TTLL8: variants seen among roughly 807,000 people sequenced by gnomAD.
The protein encoded by TTLL8 is protein monoglycylase TTLL8.
Under a neutral mutation model 77.8 loss-of-function variants are expected in TTLL8, and 65 were observed. That is an observed-to-expected ratio of 0.84 (90% confidence interval 0.68 to 1.03). TTLL8 has a LOEUF of 1.03. TTLL8 is among the 50% of genes least tolerant of loss of function. The pLI is 0.00. For missense variants in TTLL8, 910 were observed against 1,004.5 expected, an observed-to-expected ratio of 0.91 and a Z score of 1.27; for synonymous variants, 402 against 422.8, an observed-to-expected ratio of 0.95 and a Z score of 0.60.
intron 1 of TTLL8, chr22:50,054,547 TA>T: frequency 4.6e-6 from 1 of 217,280 alleles, no homozygotes; most frequent in Non-Finnish European, 1.1e-5. Context: ...TGAGCGTCCC[TA>T]AGGGGAGCTG....
chr22:50,058,144 T>C (rs1667900416), upstream of TTLL8, among the ~76,000 whole-genome samples: 1 of 151,254 alleles, frequency 6.6e-6, no homozygotes, highest in Non-Finnish European at 1.5e-5. This position sits in a 1 kb window ranked among gnomAD's most constrained non-coding sequence, Gnocchi z 4.2. Flanking sequence ...CGGTCGGGGG[T>C]CGTGCTCACC....
intron 12 of TTLL8, 122 bp downstream of exon 13, chr22:50,030,308 G>A (rs1960705828): frequency 9.0e-7 from 1 of 1,106,488 alleles, no homozygotes; most frequent in Middle Eastern, 4.3e-4. Context: ...GGGACACCCC[G>A]GGCCCCAGCA....
intron 12 of TTLL8, 166 bp downstream of exon 13, chr22:50,030,264 C>T (rs1485352283): frequency 1.0e-6 from 1 of 985,244 alleles, no homozygotes; most frequent in Non-Finnish European, 1.2e-6. Context: ...GTGCCCCAAC[C>T]CCGCTCCCCG....
intron 1 of TTLL8, among the ~76,000 whole-genome samples, chr22:50,054,209 G>A (rs531170463): frequency 1.3e-5 from 2 of 152,226 alleles, no homozygotes; most frequent in African/African-American, 4.8e-5. Context: ...AGTGGAAATC[G>A]ACACACCATC....
At chr22:50,030,898 C>T (rs374157673) in exon 12 of TTLL8, 8 of 1,322,924 alleles carry the variant, frequency 6.0e-6, no homozygotes, top group East Asian at 9.9e-5. Context: ...AGGTCGGACC[C>T]GCTGAATGGG....
chr22:50,031,672 C>T lies in TTLL8; in HGVS notation c.1707+14G>A, dbSNP rs750582668. 2.3e-5 allele frequency: 29 copies of T among 1,263,702 alleles called. No homozygotes were observed. In the East Asian group the frequency reaches 2.7e-4, roughly 12 times the overall value. The allele number at this position is 1,263,702 out of a possible 1,614,324, so 78.3% of individuals were successfully genotyped here. A position where few individuals can be genotyped will look rare whatever the true frequency, so the allele number is the denominator to read the frequency against. On this transcript the variant is annotated intron_variant, in intron 11 of 13. Coordinates refer to ENST00000266182, the Ensembl canonical transcript of TTLL8. ...GGGCGGCCACCAAAGTCCCCAGGGG[C>T]GGGCGTGGCTCACCTGCCTCCACAG...
At chr22:50,031,982 G>A (rs529999189) in exon 11 of TTLL8, 18 of 1,366,704 alleles carry the variant, frequency 1.3e-5, no homozygotes, top group South Asian at 5.7e-5. Context: ...ACGGCGCCAC[G>A]GCCCTGGCGC....
intron 10 of TTLL8, 38 bp downstream of exon 11, chr22:50,033,164 C>T (rs1179657400): frequency 1.5e-6 from 2 of 1,299,102 alleles, no homozygotes; most frequent in Non-Finnish European, 2.0e-6. Context: ...GCAGCCCATT[C>T]CCTGGCCCGA....
chr22:50,052,189 T>C (rs939160339), intron 1 of TTLL8, among the ~76,000 whole-genome samples: 4 of 152,142 alleles, frequency 2.6e-5, no homozygotes, highest in African/African-American at 2.4e-5. Context: ...TGCACGTGAA[T>C]GAGCCTATCA....
Position 50,050,311 on chromosome 22 carries a change from T to C in TTLL8, c.52-64A>G, listed in dbSNP as rs2061437638. On this transcript the variant is annotated intron_variant, in intron 1 of 13. Transcript: ENST00000266182. ...TTTTTGGGGAATAGGCAGATTTTGG[T>C]TGCATGGATAAGCTTGTTAGTGCTG... 2.0e-5 allele frequency: 24 copies of C among 1,222,036 alleles called. No homozygotes were observed. The South Asian group carries it at 3.1e-4, about 16-fold the overall frequency. The allele number at this position is 1,222,036 out of a possible 1,614,324, so 75.7% of individuals were successfully genotyped here.
At chr22:50,033,526 G>A (rs976947334) in intron 9 of TTLL8, 81 bp from the exon 11 acceptor site, 14 of 1,237,766 alleles carry the variant, frequency 1.1e-5, no homozygotes, top group African/African-American at 3.1e-5. Flanking sequence ...GGGCAGGGTC[G>A]CAGCTTGGCC....
chr22:50,030,293 G>T, intron 12 of TTLL8, 137 bp downstream of exon 13: 1 of 1,083,336 alleles, frequency 9.2e-7, no homozygotes, highest in Non-Finnish European at 1.1e-6. Flanking sequence ...CGGCGCCTCC[G>T]TCAGGGGACA....
chr22:50,034,184 G>T lies in TTLL8; in HGVS notation c.1039+161C>A, dbSNP rs1297381479. ...ATGCTGTGAAGACGCCTCCAGCTCT[G>T]CTCCAGCGCCTGAGTCCTGACCCCC... is the stretch of plus-strand genomic sequence containing the variant. On this transcript the variant is annotated intron_variant, in intron 9 of 13. Transcript: ENST00000266182. This position sits in a 1 kb window ranked among gnomAD's most constrained non-coding sequence, Gnocchi z 4.1. The T allele has an allele frequency of 2.8e-6, 2 of 713,972 alleles. No individual in the cohort carries two copies. Among genetic ancestry groups the T allele is most frequent in the Non-Finnish European group, 3.4e-6 (2 of 582,266 alleles). The allele number at this position is 713,972 out of a possible 1,614,324, so 44.2% of individuals were successfully genotyped here. A position where few individuals can be genotyped will look rare whatever the true frequency, so the allele number is the denominator to read the frequency against.
chr22:50,035,108 C>T (rs1422872387), intron 8 of TTLL8, among the ~76,000 whole-genome samples: 1 of 152,084 alleles, frequency 6.6e-6, no homozygotes, highest in African/African-American at 2.4e-5. Context: ...TCCTGCTGCC[C>T]GGATGGATTG....
intron 8 of TTLL8, among the ~76,000 whole-genome samples, chr22:50,040,593 G>A (rs1246590876): frequency 1.1e-4 from 17 of 152,224 alleles, no homozygotes; most frequent in Admixed American, 1.0e-3. Context: ...GGCTATGCAG[G>A]TGGACACGTA....
At chr22:50,039,269 G>C (rs1159526987) in intron 8 of TTLL8, among the ~76,000 whole-genome samples, 1 of 152,110 alleles carries the variant, frequency 6.6e-6, no homozygotes, top group African/African-American at 2.4e-5. Context: ...TAATTAACTA[G>C]TGAAATCATT....
At position 50,054,579 on chromosome 22, in the gene TTLL8, G is replaced by A. The variant is rs150838871; in HGVS notation, c.48C>T (p.Ala16=). The A allele has an allele frequency of 4.9e-3, 1,210 of 246,610 alleles. 12 individuals are homozygous for A. Among genetic ancestry groups the A allele is most frequent in the African/African-American group, 0.026 (1,148 of 43,730 alleles). The allele number at this position is 246,610 out of a possible 1,614,324, so 15.3% of individuals were successfully genotyped here. Reference sequence around the variant, plus strand: ...AGCTGGGGTGTGGGGAACCTACGCAGGCATTCTCTGAGTACCTGGAAGTCT... The same window carrying A: ...AGCTGGGGTGTGGGGAACCTACGCAAGCATTCTCTGAGTACCTGGAAGTCT... The change falls in exon 1 of 14, where the codon GCC becomes GCT. Residue 16 remains alanine (A), a synonymous_variant. Transcript: ENST00000266182.
chr22:50,023,511 C>T (rs1037214631), intron 12 of TTLL8, among the ~76,000 whole-genome samples: 7 of 151,706 alleles, frequency 4.6e-5, no homozygotes, highest in Non-Finnish European at 5.9e-5. Flanking sequence ...GGTGAAACCC[C>T]GTCCCTACTA....
At chr22:50,056,987 T>C (rs962546987), upstream of TTLL8, 3 of 1,287,840 alleles carry the variant, frequency 2.3e-6, no homozygotes, top group African/African-American at 4.6e-5. This position sits in a 1 kb window ranked among gnomAD's most constrained non-coding sequence, Gnocchi z 4.1. Flanking sequence ...GAGGAGAGGG[T>C]GTGGTGGTTA....
Sources: allele counts gnomAD v4.1 joint callset (sites outside exome capture counted in the v4.1 genomes callset), GRCh38; gene constraint gnomAD v4.1.1; non-coding constraint Gnocchi (gnomAD v3.1); transcripts MANE v1.5; gene names NCBI Gene and HGNC (gene_info 2026-07-23, HGNC 2026-07-21).